KCNK2: variants seen among roughly 807,000 people sequenced by gnomAD.
KCNK2 encodes potassium two pore domain channel subfamily K member 2.
Under a neutral mutation model 40.5 loss-of-function variants are expected in KCNK2, and 21 were observed. The observed-to-expected ratio is 0.52, with a 90% CI of 0.37 to 0.75. The LOEUF is 0.75. Ranked by LOEUF, KCNK2 falls within the 30% of genes least tolerant of loss-of-function variation. The pLI is 0.00. For missense variants in KCNK2, 399 were observed against 531.6 expected (o/e 0.75, Z 2.45); for synonymous variants, 191 against 202.2 (o/e 0.94, Z 0.47).
chr1:215,036,128 CAT>C (rs1288163591), intron 1 of KCNK2, among the ~76,000 whole-genome samples: 2 of 122,890 alleles, frequency 1.6e-5, no homozygotes, highest in East Asian at 4.6e-4. Context: ...AAGATGCTCT[CAT>C]GTGTTTTTTT....
intron 1 of KCNK2, among the ~76,000 whole-genome samples, chr1:215,044,081 A>G (rs1408721958): frequency 6.6e-6 from 1 of 152,180 alleles, no homozygotes; most frequent in African/African-American, 2.4e-5. Context: ...TGAGTCAAAG[A>G]AGGACACAAG....
At chr1:215,198,848 C>T (rs1664971206) in intron 6 of KCNK2, among the ~76,000 whole-genome samples, 1 of 152,020 alleles carries the variant, frequency 6.6e-6, no homozygotes, top group Non-Finnish European at 1.5e-5. Flanking sequence ...TCAAATTTTC[C>T]AAGTGATAAT....
At chr1:215,119,558 C>T (rs186822187) in intron 2 of KCNK2, among the ~76,000 whole-genome samples, 9 of 152,138 alleles carry the variant, frequency 5.9e-5, no homozygotes, top group East Asian at 1.9e-4. Context: ...TGTCTATAAA[C>T]GGAGGAGCAA....
At chr1:215,053,167 G>C (rs1321838379) in intron 1 of KCNK2, among the ~76,000 whole-genome samples, 1 of 152,096 alleles carries the variant, frequency 6.6e-6, no homozygotes, top group Non-Finnish European at 1.5e-5. Context: ...TGAGTCCGTG[G>C]CTTCCATTTG....
chr1:215,207,789 T>C (rs1259571282), intron 6 of KCNK2, among the ~76,000 whole-genome samples: 2 of 152,128 alleles, frequency 1.3e-5, no homozygotes, highest in Non-Finnish European at 2.9e-5. Context: ...CACTGATCAT[T>C]AGAGAAATGC....
At chr1:215,007,037 A>ATATATGTG (rs1330420661) in intron 1 of KCNK2, among the ~76,000 whole-genome samples, 1 of 51,604 alleles carries the variant, frequency 1.9e-5, no homozygotes, top group South Asian at 5.7e-4. Flanking sequence ...ATATATATAT[A>ATATATGTG]TGTGTGTGTG....
At chr1:215,018,688 G>T (rs1462277218) in intron 1 of KCNK2, among the ~76,000 whole-genome samples, 1 of 152,136 alleles carries the variant, frequency 6.6e-6, no homozygotes, top group Admixed American at 6.6e-5. Context: ...GGACAGGAGA[G>T]GGGGTCAAAA....
At chr1:215,078,374 G>A (rs964420081), upstream of KCNK2, among the ~76,000 whole-genome samples, 1 of 152,198 alleles carries the variant, frequency 6.6e-6, no homozygotes, top group African/African-American at 2.4e-5. Flanking sequence ...ATGAAGAAAT[G>A]TCTGAGATTG....
chr1:215,209,487 A>AT lies in KCNK2; in HGVS notation c.963+14395_963+14396insT, dbSNP rs1410196167. On this transcript the variant is annotated intron_variant, in intron 6 of 6. Coordinates refer to ENST00000444842, the MANE Select transcript of KCNK2 (RefSeq NM_001017425.3). ...ATATATAATATATATTATATATAAT[A>AT]CATATATATAATATATAATATATAT... Among the ~76,000 whole-genome samples the AT allele has an allele frequency of 7.9e-3, 10 of 1,262 alleles. No individual in the cohort carries two copies. The Admixed American group carries it at 0.087, about 11-fold the overall frequency. The allele number at this position is 1,262 out of a possible 152,430, so 0.8% of individuals were successfully genotyped here.
In KCNK2 at chr1:215,104,650, T is replaced by C. The variant is rs573006161; in HGVS notation, c.357+17972T>C. Among the ~76,000 whole-genome samples the C allele has an allele frequency of 9.2e-5, 14 of 152,198 alleles. No individual in the cohort carries two copies. The South Asian group carries it at 2.9e-3, about 32-fold the overall frequency. ...TTTATGAAGTATCTCATCACCAAAA[T>C]GCCCAAGTGAGGTTATAAATGGATT... is the stretch of plus-strand genomic sequence containing the variant. On this transcript the variant is annotated intron_variant, in intron 2 of 6. Transcript: ENST00000444842.
intron 1 of KCNK2, among the ~76,000 whole-genome samples, chr1:215,064,045 G>T (rs1423448449): frequency 6.6e-6 from 1 of 152,186 alleles, no homozygotes; most frequent in African/African-American, 2.4e-5. Context: ...GTGTGTATGA[G>T]GGGAATGTGT....
chr1:215,109,608 T>C (rs1268260936), intron 2 of KCNK2, among the ~76,000 whole-genome samples: 1 of 152,034 alleles, frequency 6.6e-6, no homozygotes, highest in African/African-American at 2.4e-5. Flanking sequence ...CACACCTCTT[T>C]ATTCATTCAT....
chr1:215,203,994 C>T (rs979154495), intron 6 of KCNK2, among the ~76,000 whole-genome samples: 22 of 134,400 alleles, frequency 1.6e-4, no homozygotes, highest in Admixed American at 8.1e-4. Context: ...GCCGAGATCG[C>T]GCCACTGCAC....
At chr1:215,176,359 G>C (rs1663972347) in intron 5 of KCNK2, among the ~76,000 whole-genome samples, 1 of 151,724 alleles carries the variant, frequency 6.6e-6, no homozygotes, top group Admixed American at 6.6e-5. Context: ...TTTAAGTTCA[G>C]GGGTACATGT....
At chr1:215,016,704 A>T (rs977396512) in intron 1 of KCNK2, among the ~76,000 whole-genome samples, 1 of 152,196 alleles carries the variant, frequency 6.6e-6, no homozygotes, top group African/African-American at 2.4e-5. Flanking sequence ...TGTTTTGTAT[A>T]TGAACCCCAA....
intron 2 of KCNK2, among the ~76,000 whole-genome samples, chr1:215,088,012 T>C (rs966750879): frequency 4.6e-5 from 7 of 152,256 alleles, no homozygotes; most frequent in African/African-American, 1.7e-4. Context: ...TTCACTTATA[T>C]ACTGAATTCT....
At chr1:215,044,484 T>C (rs79345051) in intron 1 of KCNK2, among the ~76,000 whole-genome samples, 1 of 152,130 alleles carries the variant, frequency 6.6e-6, no homozygotes, top group African/African-American at 2.4e-5. Flanking sequence ...TAGTTCTCTG[T>C]GTCTCTTGAT....
intron 3 of KCNK2, among the ~76,000 whole-genome samples, chr1:215,157,902 G>A (rs1571677383): frequency 6.6e-6 from 1 of 152,126 alleles, no homozygotes; most frequent in African/African-American, 2.4e-5. Flanking sequence ...ATTGTACACA[G>A]GGAAGAGAGG....
intron 1 of KCNK2, among the ~76,000 whole-genome samples, chr1:215,008,900 T>A (rs1656280063): frequency 6.6e-6 from 1 of 152,114 alleles, no homozygotes; most frequent in South Asian, 2.1e-4. Flanking sequence ...TCTGTTTGCT[T>A]TAGATGCTTT....
Sources: allele counts gnomAD v4.1 joint callset (sites outside exome capture counted in the v4.1 genomes callset), GRCh38; gene constraint gnomAD v4.1.1; transcripts MANE v1.5; gene names NCBI Gene and HGNC (gene_info 2026-07-23, HGNC 2026-07-21).